EPYC: variants seen among roughly 807,000 people sequenced by gnomAD.
The protein encoded by EPYC is epiphycan.
Under a neutral mutation model 30.1 loss-of-function variants are expected in EPYC, and 28 were observed. The ratio of observed to expected loss-of-function variants is 0.93; its 90% CI spans 0.69 to 1.28. EPYC has a LOEUF of 1.28. Among genes scored for constraint, EPYC ranks in the 50% most tolerant of loss-of-function variants. EPYC has a pLI of 0.00. For missense variants in EPYC, 382 were observed against 383.5 expected, an observed-to-expected ratio of 1.00 and a Z score of 0.03; for synonymous variants, 144 against 141.4, an observed-to-expected ratio of 1.02 and a Z score of -0.13.
At chr12:91,004,052 C>A (rs1877894109) in intron 1 of EPYC, among the ~76,000 whole-genome samples, 1 of 152,040 alleles carries the variant, frequency 6.6e-6, no homozygotes, top group Non-Finnish European at 1.5e-5. Flanking sequence ...TGGAACTGTT[C>A]TAGGCAATTA....
intron 2 of EPYC, among the ~76,000 whole-genome samples, chr12:90,986,396 C>A (rs970776244): frequency 2.0e-5 from 3 of 152,038 alleles, no homozygotes; most frequent in Admixed American, 2.0e-4. Flanking sequence ...GTACAAAAAC[C>A]AAATGGTCAG....
At chr12:90,965,323 G>A (rs1876867515) in intron 6 of EPYC, among the ~76,000 whole-genome samples, 1 of 151,942 alleles carries the variant, frequency 6.6e-6, no homozygotes, top group African/African-American at 2.4e-5. Flanking sequence ...GTTAACATTT[G>A]TGTAAAAGTT....
At chr12:91,003,715 C>T (rs1288598368) in intron 1 of EPYC, among the ~76,000 whole-genome samples, 5 of 152,006 alleles carry the variant, frequency 3.3e-5, no homozygotes, top group Non-Finnish European at 5.9e-5. Context: ...GAGGCTTTTA[C>T]ATTTGGACAC....
At chr12:90,987,913 C>T (rs1449710816) in intron 2 of EPYC, among the ~76,000 whole-genome samples, 1 of 152,084 alleles carries the variant, frequency 6.6e-6, no homozygotes, top group Non-Finnish European at 1.5e-5. Flanking sequence ...CTCTTTATCT[C>T]GGTCACACTC....
intron 6 of EPYC, 142 bp downstream of exon 6, chr12:90,969,902 G>T: frequency 1.5e-6 from 1 of 662,400 alleles, no homozygotes; most frequent in South Asian, 1.8e-5. Flanking sequence ...TAAAGAGAGA[G>T]AATAAATGAG....
At chr12:90,972,699 A>G (rs1877081389) in intron 4 of EPYC, 123 bp downstream of exon 4, 1 of 877,454 alleles carries the variant, frequency 1.1e-6, no homozygotes, top group African/African-American at 1.7e-5. Context: ...AATAACAAAA[A>G]ACTATTGATT....
rs114894365 is a variant in EPYC at position 90,984,617 on chromosome 12, G to A, written c.166-6355C>T. 5.8e-3 allele frequency among the ~76,000 whole-genome samples: 882 copies of A among 152,194 alleles called. 8 individuals carry two copies. Among genetic ancestry groups the A allele is most frequent in the African/African-American group, 0.02 (841 of 41,536 alleles). ...AGGCAAATGGAGTGAAATATCTTAT[G>A]TTCAAGCTTTCTTTTCACTGAAGGA... On this transcript the variant is annotated intron_variant, in intron 2 of 6. Coordinates refer to ENST00000261172, the MANE Select transcript of EPYC (RefSeq NM_004950.5).
chr12:90,978,314 CTG>C, intron 2 of EPYC, 52 bp from the exon 3 acceptor site: 1 of 1,534,866 alleles, frequency 6.5e-7, no homozygotes, highest in Admixed American at 2.1e-5. Flanking sequence ...CTCAGTCACT[CTG>C]TGTGGCAGTG....
intron 1 of EPYC, among the ~76,000 whole-genome samples, chr12:91,003,884 G>A (rs1015494146): frequency 6.6e-6 from 1 of 152,098 alleles, no homozygotes; most frequent in Admixed American, 6.6e-5. Context: ...AGCAGGTTTA[G>A]GCAGAAGGAT....
At chr12:91,003,644 G>A (rs1877883782) in intron 1 of EPYC, among the ~76,000 whole-genome samples, 1 of 151,948 alleles carries the variant, frequency 6.6e-6, no homozygotes, top group Non-Finnish European at 1.5e-5. Context: ...ATGTTACCTA[G>A]TGATCCCTTA....
At chr12:91,002,749 A>G (rs1199652541) in intron 1 of EPYC, among the ~76,000 whole-genome samples, 171 bp from the exon 2 acceptor site, 1 of 104,438 alleles carries the variant, frequency 9.6e-6, no homozygotes. Context: ...TCCTAGGACC[A>G]TTGCTGCCAG....
intron 1 of EPYC, among the ~76,000 whole-genome samples, chr12:91,003,416 C>G (rs1389908764): frequency 1.3e-5 from 2 of 152,108 alleles, no homozygotes; most frequent in East Asian, 3.9e-4. Context: ...TGGTAAGATT[C>G]CCTTGTATGC....
intron 2 of EPYC, among the ~76,000 whole-genome samples, chr12:90,986,492 C>T (rs1282721050): frequency 6.6e-6 from 1 of 152,122 alleles, no homozygotes; most frequent in Non-Finnish European, 1.5e-5. Context: ...ACTCTGCGCT[C>T]TCAAATACCA....
At chr12:90,999,596 T>C (rs1396104326) in intron 2 of EPYC, among the ~76,000 whole-genome samples, 1 of 152,076 alleles carries the variant, frequency 6.6e-6, no homozygotes, top group Admixed American at 6.6e-5. Context: ...TAGTATTTAG[T>C]CAGAATGTTT....
At chr12:90,968,555 A>G (rs533687399) in intron 6 of EPYC, among the ~76,000 whole-genome samples, 2 of 152,252 alleles carry the variant, frequency 1.3e-5, no homozygotes, top group East Asian at 3.9e-4. Context: ...AAAAACAGAC[A>G]TATATATATT....
chr12:90,975,527 G>T (rs910218148), intron 3 of EPYC, among the ~76,000 whole-genome samples: 7 of 151,860 alleles, frequency 4.6e-5, no homozygotes, highest in Non-Finnish European at 8.8e-5. Context: ...TTTATCCTCA[G>T]AGTACTTTAG....
At chr12:90,970,208 A>G in intron 5 of EPYC, 69 bp from the exon 6 acceptor site, 1 of 1,125,928 alleles carries the variant, frequency 8.9e-7, no homozygotes, top group Non-Finnish European at 1.3e-6. Context: ...TAAAAAACAC[A>G]GCTGTATTTC....
intron 2 of EPYC, among the ~76,000 whole-genome samples, chr12:90,996,545 T>C (rs1337241401): frequency 6.6e-6 from 1 of 151,996 alleles, no homozygotes; most frequent in Admixed American, 6.6e-5. Context: ...ACTGCCCTTA[T>C]TGAGTTCTCT....
chr12:90,992,125 C>A lies in EPYC; in HGVS notation c.165+10276G>T, dbSNP rs113417942. Among the ~76,000 whole-genome samples the A allele has an allele frequency of 1.0e-3, 153 of 152,310 alleles. 1 individual carries two copies. The highest frequency in any genetic ancestry group is 3.6e-3 in the African/African-American group (151 of 41,578). On this transcript the variant is annotated intron_variant, in intron 2 of 6. Coordinates refer to ENST00000261172, the MANE Select transcript of EPYC (RefSeq NM_004950.5). ...AGGATGAAGCTGTTCTGCCTCAGAT[C>A]ATCAGGCATTAGATTCTCATAAGAA...
Sources: allele counts gnomAD v4.1 joint callset (sites outside exome capture counted in the v4.1 genomes callset), GRCh38; gene constraint gnomAD v4.1.1; transcripts MANE v1.5; gene names NCBI Gene and HGNC (gene_info 2026-07-23, HGNC 2026-07-21).